The following INPP4B variants were observed in gnomAD, a reference collection of about 807,000 sequenced individuals.
INPP4B encodes inositol polyphosphate 4-phosphatase type II.
In INPP4B, 55 loss-of-function variants were observed where a neutral mutation model predicts 122.5. The ratio of observed to expected loss-of-function variants is 0.45; its 90% CI spans 0.36 to 0.56. The LOEUF (loss-of-function observed/expected upper bound fraction) is 0.56. Among genes scored for constraint, INPP4B ranks in the 20% least tolerant of loss-of-function variants. The pLI is 0.00. For synonymous variants in INPP4B, 403 were observed against 388.7 expected (o/e 1.04, Z -0.43); for missense variants, 1,000 against 1,097.7 (o/e 0.91, Z 1.26).
intron 11 of INPP4B, among the ~76,000 whole-genome samples, chr4:142,244,445 G>A (rs546339794): frequency 1.3e-3 from 198 of 151,454 alleles, no homozygotes; most frequent in Admixed American, 4.0e-3. Flanking sequence ...GACTACAGGC[G>A]CCCACCATCA....
rs890727945 is a variant in INPP4B at position 142,846,197 on chromosome 4, G to A, written c.-254+12C>T. 4.6e-5 allele frequency: 7 copies of A among 152,490 alleles called. No homozygotes were observed. The highest frequency in any genetic ancestry group is 1.7e-4 in the African/African-American group (7 of 41,532). The allele number at this position is 152,490 out of a possible 1,614,324, so 9.4% of individuals were successfully genotyped here. On this transcript the variant is annotated intron_variant, in intron 1 of 25. Transcript: ENST00000262992. This position sits in a 1 kb window ranked among gnomAD's most constrained non-coding sequence, Gnocchi z 5.1. ...CCCCCACCGAGCCCTAGGATCCCAGGCGGGTAATTACCTCTCCCGGAGGCG... is the reference window on the plus strand; with the variant it reads ...CCCCCACCGAGCCCTAGGATCCCAGACGGGTAATTACCTCTCCCGGAGGCG...
intron 12 of INPP4B, among the ~76,000 whole-genome samples, chr4:142,236,264 T>C (rs1365202408): frequency 6.6e-6 from 1 of 152,230 alleles, no homozygotes; most frequent in Non-Finnish European, 1.5e-5. Context: ...ATGTTGAGCA[T>C]AATGACTCTT....
At position 142,165,207 on chromosome 4, in the gene INPP4B, T is replaced by C. The variant is rs954028010; in HGVS notation, c.1360-4646A>G. 4.1e-5 allele frequency among the ~76,000 whole-genome samples: 6 copies of C among 147,304 alleles called. No individual in the cohort carries two copies. In the East Asian group the frequency reaches 8.1e-4, roughly 20 times the overall value. ...GTTGTTCTTTAATTTTTAGTAATTTTGTCCTTTCAAGATTTTCCATTTGAG... is the reference window on the plus strand; with the variant it reads ...GTTGTTCTTTAATTTTTAGTAATTTCGTCCTTTCAAGATTTTCCATTTGAG... On this transcript the variant is annotated intron_variant, in intron 16 of 25. Coordinates refer to ENST00000262992, the MANE Select transcript of INPP4B (RefSeq NM_001101669.3).
At chr4:142,559,002 C>A (rs542190854) in intron 2 of INPP4B, among the ~76,000 whole-genome samples, 125 of 152,036 alleles carry the variant, frequency 8.2e-4, no homozygotes, top group South Asian at 6.6e-3. Flanking sequence ...TAGAACGCTG[C>A]GAAGCCCAAC....
At chr4:142,077,163 A>G (rs987938118) in intron 25 of INPP4B, among the ~76,000 whole-genome samples, 6 of 151,996 alleles carry the variant, frequency 3.9e-5, no homozygotes, top group African/African-American at 1.4e-4. Context: ...AGTCTCTTAT[A>G]AATTCAATAT....
chr4:142,814,510 A>G (rs973703888), intron 1 of INPP4B, among the ~76,000 whole-genome samples: 1 of 152,174 alleles, frequency 6.6e-6, no homozygotes, highest in Non-Finnish European at 1.5e-5. Context: ...TACCTTGGCC[A>G]TGTAATCTCT....
chr4:142,704,429 T>G (rs968010910), intron 2 of INPP4B, among the ~76,000 whole-genome samples: 1 of 152,202 alleles, frequency 6.6e-6, no homozygotes, highest in Non-Finnish European at 1.5e-5. Context: ...ATCAACTTTA[T>G]TTAAATCCTG....
Position 142,173,798 on chromosome 4 carries a change from T to C in INPP4B, c.1193A>G (p.Gln398Arg). 1.2e-6 allele frequency: 2 copies of C among 1,612,604 alleles called. No homozygotes were observed. Among genetic ancestry groups the C allele is most frequent in the Non-Finnish European group, 1.7e-6 (2 of 1,178,944 alleles). The change falls in exon 16 of 26, where the codon CAG becomes CGG. Residue 398 changes from glutamine to arginine, a missense_variant. By Grantham distance (43) the Gln-to-Arg change is conservative. Transcript: ENST00000262992. ...FETERRNTGY[Q>R]FIYYSPENTA... Reference sequence around the variant, plus strand: ...GTTTTCAGGTGAATAGTAAATAAACTGGTATCCGGTACTGCAACAACAAAG... The same window carrying C: ...GTTTTCAGGTGAATAGTAAATAAACCGGTATCCGGTACTGCAACAACAAAG...
At chr4:142,584,524 G>C (rs891125419) in intron 2 of INPP4B, among the ~76,000 whole-genome samples, 1 of 152,094 alleles carries the variant, frequency 6.6e-6, no homozygotes, top group African/African-American at 2.4e-5. Context: ...ATTTTGTAGA[G>C]TGTCTCTCAA....
At chr4:142,249,131 T>C (rs1321706873) in intron 11 of INPP4B, among the ~76,000 whole-genome samples, 2 of 152,094 alleles carry the variant, frequency 1.3e-5, no homozygotes, top group African/African-American at 2.4e-5. Context: ...TTATGACTAA[T>C]AGCAGCACAG....
chr4:142,623,912 G>A (rs1745603880), intron 2 of INPP4B, among the ~76,000 whole-genome samples: 1 of 151,962 alleles, frequency 6.6e-6, no homozygotes, highest in Admixed American at 6.6e-5. Context: ...CATTTTTTAT[G>A]GCTGCATAGT....
chr4:142,577,813 C>T (rs1018286704), intron 2 of INPP4B, among the ~76,000 whole-genome samples: 4 of 151,936 alleles, frequency 2.6e-5, no homozygotes, highest in African/African-American at 4.8e-5. Context: ...TGTTGGTCAG[C>T]GGATGCCCTC....
chr4:142,311,630 A>G (rs915138330), intron 8 of INPP4B, among the ~76,000 whole-genome samples: 2 of 152,148 alleles, frequency 1.3e-5, no homozygotes. Flanking sequence ...CTGATTGCCT[A>G]TCTAACTCAC....
chr4:142,641,687 T>C (rs552380428), intron 2 of INPP4B, among the ~76,000 whole-genome samples: 317 of 152,312 alleles, frequency 2.1e-3, no homozygotes, highest in African/African-American at 7.0e-3. Context: ...TTTGGGTTGG[T>C]TCCAAGTCTT....
In INPP4B at chr4:142,027,653, C is replaced by T. The variant is rs986712227; in HGVS notation, c.*1129G>A. The T allele has an allele frequency of 2.6e-5, 4 of 152,134 alleles. No homozygotes were observed. The highest frequency in any genetic ancestry group is 2.6e-4 in the Admixed American group (4 of 15,262). The allele number at this position is 152,134 out of a possible 1,614,324, so 9.4% of individuals were successfully genotyped here. On this transcript the variant is annotated 3_prime_UTR_variant, in exon 26 of 26. Coordinates refer to ENST00000262992, the MANE Select transcript of INPP4B (RefSeq NM_001101669.3). ...GTAATTCAAATTCTGCAACTATCTC[C>T]TGAGTGATTGGGGGTGATTAACCTT...
intron 1 of INPP4B, among the ~76,000 whole-genome samples, chr4:142,821,191 A>G (rs564841370): frequency 1.3e-5 from 2 of 152,202 alleles, no homozygotes; most frequent in African/African-American, 4.8e-5. Flanking sequence ...ATTTTTAGTA[A>G]TAACATTATT....
chr4:142,067,083 C>G (rs1240113696), intron 25 of INPP4B, among the ~76,000 whole-genome samples: 1 of 152,010 alleles, frequency 6.6e-6, no homozygotes, highest in Admixed American at 6.6e-5. Context: ...AGTAGGGGCC[C>G]ACTGACACCT....
chr4:142,079,933 A>C (rs1439373810), intron 25 of INPP4B, among the ~76,000 whole-genome samples: 1 of 152,162 alleles, frequency 6.6e-6, no homozygotes, highest in Non-Finnish European at 1.5e-5. Context: ...CTGCACATGG[A>C]AAATCAGAGT....
chr4:142,517,075 CA>C (rs199702990), intron 2 of INPP4B, among the ~76,000 whole-genome samples: 6 of 150,062 alleles, frequency 4.0e-5, no homozygotes, highest in Admixed American at 1.3e-4. Context: ...TATGACTAGA[CA>C]AAAAAAAATG....
Sources: gnomAD v4.1 joint callset for allele counts (sites outside exome capture counted in the v4.1 genomes callset) on GRCh38, gnomAD v4.1.1 for gene constraint, Gnocchi (gnomAD v3.1) non-coding constraint, MANE v1.5 for transcripts, NCBI Gene and HGNC (gene_info 2026-07-23, HGNC 2026-07-21) for gene names.